Variants in ARMC3 observed in about 807,000 individuals in gnomAD.
ARMC3 encodes the protein armadillo repeat-containing protein 3.
A neutral mutation model predicts 90.3 loss-of-function variants in ARMC3; 74 were observed. The ratio of observed to expected loss-of-function variants is 0.82; its 90% CI spans 0.68 to 0.99. The LOEUF (loss-of-function observed/expected upper bound fraction) is 0.99, where lower values mean the gene tolerates loss of function less well. Ranked by LOEUF, ARMC3 falls within the 50% of genes least tolerant of loss-of-function variation. The probability of loss-of-function intolerance (pLI) is 0.00; values close to 1 mark genes in which losing one functional copy is unlikely to be tolerated. For missense variants in ARMC3, 958 were observed against 1,042.8 expected, an observed-to-expected ratio of 0.92 and a Z score of 1.12; for synonymous variants, 334 against 361.8, an observed-to-expected ratio of 0.92 and a Z score of 0.87.
intron 8 of ARMC3, among the ~76,000 whole-genome samples, chr10:22,978,558 T>C (rs1836042476): frequency 6.6e-6 from 1 of 152,220 alleles, no homozygotes; most frequent in South Asian, 2.1e-4. Context: ...CTACTTTGTA[T>C]ATAAACTCCT....
chr10:23,010,627 A>C (rs1287206748), intron 16 of ARMC3, among the ~76,000 whole-genome samples: 10 of 76,460 alleles, frequency 1.3e-4, no homozygotes, highest in Admixed American at 7.3e-4. Flanking sequence ...TCCCTGACCT[A>C]CCATCTTCTC....
chr10:23,024,469 A>C (rs1427115592), intron 16 of ARMC3, among the ~76,000 whole-genome samples: 9 of 152,190 alleles, frequency 5.9e-5, no homozygotes, highest in Non-Finnish European at 1.3e-4. Flanking sequence ...TTTCCTCATG[A>C]GTATTTTAAG....
Position 23,006,927 on chromosome 10 carries a change from TACAAGA to T in ARMC3, c.1778_1783del (p.Gln593_Glu594del). ...CTGTTGCCTTTGAAGGAGCTCTGCT[TACAAGA>T]ACCAAGTGACCTACGGGCTGTACTC... is the stretch of plus-strand genomic sequence containing the variant. On this transcript the variant is annotated inframe_deletion, in exon 14 of 19. Transcript: ENST00000298032. 1 of 1,614,018 alleles carries T rather than the reference TACAAGA, an allele frequency of 6.2e-7. No homozygotes were observed.
chr10:23,015,206 T>C (rs1296328824), intron 16 of ARMC3, among the ~76,000 whole-genome samples: 7 of 152,172 alleles, frequency 4.6e-5, no homozygotes, highest in African/African-American at 1.7e-4. Flanking sequence ...CCATGCAGCA[T>C]GTAAATTTGA....
chr10:23,033,476 C>A lies in ARMC3; in HGVS notation c.2409+453C>A, dbSNP rs184388054. On this transcript the variant is annotated intron_variant, in intron 18 of 18. Coordinates refer to ENST00000298032, the MANE Select transcript of ARMC3 (RefSeq NM_173081.5). ...GGGTTTATCAAGTAAAGAAGGAAAA[C>A]AAGCGTATACTAAACAGAGAAAACA... is the stretch of plus-strand genomic sequence containing the variant. Among the ~76,000 whole-genome samples the A allele has an allele frequency of 6.8e-4, 103 of 152,170 alleles. 1 individual carries two copies. Among genetic ancestry groups the A allele is most frequent in the African/African-American group, 2.5e-3 (103 of 41,526 alleles).
intron 7 of ARMC3, among the ~76,000 whole-genome samples, chr10:22,964,622 TG>T (rs892508837): frequency 4.6e-5 from 7 of 151,704 alleles, no homozygotes; most frequent in Admixed American, 1.3e-4. Context: ...TATTTTTGGT[TG>T]GGGGGAGGGG....
rs1383590108 is a variant in ARMC3, at chr10:23,026,088, AT to A, written c.2046-4501del. Among the ~76,000 whole-genome samples the A allele has an allele frequency of 5.9e-5, 9 of 152,244 alleles. No individual in the cohort carries two copies. The South Asian group carries it at 6.2e-4, about 11-fold the overall frequency. On this transcript the variant is annotated intron_variant, in intron 16 of 18. Coordinates refer to ENST00000298032, the MANE Select transcript of ARMC3 (RefSeq NM_173081.5). ...TATTAAATAAATTTAATTCATTAAA[AT>A]TTTTTTCCAAAAAGAAATCTCTTGA...
chr10:23,013,244 A>C (rs906467369), intron 16 of ARMC3, among the ~76,000 whole-genome samples: 2 of 152,108 alleles, frequency 1.3e-5, no homozygotes, highest in Non-Finnish European at 1.5e-5. Flanking sequence ...GACTCTGCCT[A>C]AAACAAAGTT....
At chr10:23,007,921 C>T (rs968138692) in intron 14 of ARMC3, among the ~76,000 whole-genome samples, 4 of 151,850 alleles carry the variant, frequency 2.6e-5, no homozygotes, top group Admixed American at 6.6e-5. Flanking sequence ...TTGGGCAACA[C>T]GGTGAAACCC....
chr10:22,929,898 ACT>A (rs1172272542), intron 1 of ARMC3, among the ~76,000 whole-genome samples: 1 of 152,094 alleles, frequency 6.6e-6, no homozygotes, highest in African/African-American at 2.4e-5. Context: ...CTTAGGAGAC[ACT>A]CTATCATTGC....
At chr10:22,942,190 C>A (rs1834350197) in intron 2 of ARMC3, among the ~76,000 whole-genome samples, 1 of 152,116 alleles carries the variant, frequency 6.6e-6, no homozygotes. Context: ...ACTGGGGATC[C>A]AAATGCAATT....
chr10:22,950,327 A>G (rs1472693652), intron 3 of ARMC3, among the ~76,000 whole-genome samples: 1 of 152,146 alleles, frequency 6.6e-6, no homozygotes, highest in Admixed American at 6.5e-5. Flanking sequence ...AATATATGGC[A>G]ACAACAGCCC....
At chr10:22,968,594 A>G in intron 8 of ARMC3, 105 bp downstream of exon 8, 1 of 1,016,728 alleles carries the variant, frequency 9.8e-7, no homozygotes. Context: ...CAACCTCCCC[A>G]GGTTACAAGT....
rs1837312833 is a variant in ARMC3 at position 23,001,942 on chromosome 10, G to C, written c.1449G>C (p.Glu483Asp). 3.7e-6 allele frequency: 6 copies of C among 1,613,586 alleles called. No homozygotes were observed. The African/African-American group carries it at 5.3e-5, about 14-fold the overall frequency. The change falls in exon 12 of 19, where the codon GAG becomes GAC. Residue 483 changes from glutamate to aspartate, a missense_variant. Transcript: ENST00000298032. The part of the protein sequence containing the change: ...RTELRNSGGL[E>D]PLVELLRSKN... ...AGTTAAGAAATTCTGGTGGATTGGA[G>C]CCCCTGGTAGAGCTGCTACGCTCCA...
rs35512801 is a variant in ARMC3, at chr10:22,951,465, AT to A, written c.167-4333del. On this transcript the variant is annotated intron_variant, in intron 3 of 18. Coordinates refer to ENST00000298032, the MANE Select transcript of ARMC3 (RefSeq NM_173081.5). Reference sequence around the variant, plus strand: ...ACACTTTAAGAGCAGTAGAGTATACATTTTTTTTTCAAGTGGATACAGAACA... The same window carrying A: ...ACACTTTAAGAGCAGTAGAGTATACATTTTTTTTCAAGTGGATACAGAACA... Among the ~76,000 whole-genome samples, 253 of 151,396 alleles carry A rather than the reference AT, an allele frequency of 1.7e-3. 2 individuals are homozygous for A. The highest frequency in any genetic ancestry group is 5.8e-3 in the African/African-American group (240 of 41,274).
chr10:22,932,075 T>A lies in ARMC3; in HGVS notation c.48+31T>A, dbSNP rs548454935. ...TTTCTGATTTGAATACTAGTAGCACTTTAACAACCAGTTATAAAAATAAAT... is the reference window on the plus strand; with the variant it reads ...TTTCTGATTTGAATACTAGTAGCACATTAACAACCAGTTATAAAAATAAAT... On this transcript the variant is annotated intron_variant, in intron 2 of 18. Transcript: ENST00000298032. The A allele has an allele frequency of 1.9e-5, 29 of 1,549,564 alleles. No homozygotes were observed. In the Admixed American group the frequency reaches 5.3e-4, roughly 28 times the overall value.
chr10:22,975,283 G>A (rs1835869403), intron 8 of ARMC3, among the ~76,000 whole-genome samples: 1 of 152,142 alleles, frequency 6.6e-6, no homozygotes, highest in Admixed American at 6.5e-5. Context: ...TGACAGGCAC[G>A]GTGGCTCACG....
At chr10:22,958,888 A>T (rs1835068415) in intron 4 of ARMC3, among the ~76,000 whole-genome samples, 182 bp from the exon 5 acceptor site, 1 of 152,002 alleles carries the variant, frequency 6.6e-6, no homozygotes, top group Non-Finnish European at 1.5e-5. Context: ...TACCTGGCTA[A>T]TTTTTGTTAT....
chr10:22,954,089 G>A (rs1378908307), intron 3 of ARMC3, among the ~76,000 whole-genome samples: 1 of 152,098 alleles, frequency 6.6e-6, no homozygotes, highest in African/African-American at 2.4e-5. Context: ...TCTCATTGCG[G>A]TTTTAATTTG....
Sources: allele counts gnomAD v4.1 joint callset (sites outside exome capture counted in the v4.1 genomes callset), GRCh38; gene constraint gnomAD v4.1.1; transcripts MANE v1.5; gene names NCBI Gene and HGNC (gene_info 2026-07-23, HGNC 2026-07-21).